CCSER1: variants seen among roughly 807,000 people sequenced by gnomAD.
CCSER1 encodes the protein serine-rich coiled-coil domain-containing protein 1.
CCSER1 carries 41 observed loss-of-function variants against 82.0 expected under a neutral mutation model. The ratio of observed to expected loss-of-function variants is 0.50; its 90% confidence interval spans 0.39 to 0.65. The LOEUF is 0.65. Ranked by LOEUF, CCSER1 falls within the 30% of genes least tolerant of loss-of-function variation. The pLI is 0.00. For synonymous variants in CCSER1, 414 were observed against 383.9 expected (o/e 1.08, Z -0.92); for missense variants, 1,119 against 1,064.2 (o/e 1.05, Z -0.72).
chr4:91,534,473 C>A lies in CCSER1; in HGVS notation c.2218-64099C>A, dbSNP rs1393201548. Among the ~76,000 whole-genome samples the A allele has an allele frequency of 3.3e-5, 5 of 151,914 alleles. No individual in the cohort carries two copies. In the East Asian group the frequency reaches 9.6e-4, roughly 29 times the overall value. ...ATGTTTACTTGCTTTCTATCATGGG[C>A]AATTCATGAAAAATCTTTGTGCTAT... On this transcript the variant is annotated intron_variant, in intron 10 of 10. Transcript: ENST00000509176.
At chr4:90,265,033 A>G (rs1213132753) in intron 1 of CCSER1, among the ~76,000 whole-genome samples, 1 of 152,008 alleles carries the variant, frequency 6.6e-6, no homozygotes, top group Non-Finnish European at 1.5e-5. Flanking sequence ...AATGACATCT[A>G]GTAAAGAATA....
Position 90,418,040 on chromosome 4 carries a change from G to A in CCSER1, c.1603+17911G>A, listed in dbSNP as rs547250764. Among the ~76,000 whole-genome samples, 4 of 152,182 alleles carry A rather than the reference G, an allele frequency of 2.6e-5. No homozygotes were observed. The South Asian group carries it at 8.3e-4, about 32-fold the overall frequency. On this transcript the variant is annotated intron_variant, in intron 4 of 10. Coordinates refer to ENST00000509176, the MANE Select transcript of CCSER1 (RefSeq NM_001145065.2). ...GTATAACATAATGGTTAAAAATATG[G>A]ATGCTGGCTCTGGAATTAGACAAAT...
intron 5 of CCSER1, among the ~76,000 whole-genome samples, chr4:90,518,763 TCTTA>T (rs1400501452): frequency 7.2e-5 from 11 of 152,074 alleles, no homozygotes; most frequent in Middle Eastern, 3.4e-3. Context: ...ATTATTAATA[TCTTA>T]CTTATATTTT....
chr4:90,397,422 T>TTC (rs1752129361), intron 3 of CCSER1, among the ~76,000 whole-genome samples: 2 of 152,206 alleles, frequency 1.3e-5, no homozygotes, highest in Non-Finnish European at 2.9e-5. Flanking sequence ...TGTGGGTGAA[T>TTC]GTATTAACTG....
chr4:90,402,070 C>A (rs1267864890), intron 4 of CCSER1, among the ~76,000 whole-genome samples: 1 of 152,110 alleles, frequency 6.6e-6, no homozygotes, highest in Non-Finnish European at 1.5e-5. Flanking sequence ...ATAGTTCAAA[C>A]TTTGATTTTA....
chr4:90,308,252 G>T lies in CCSER1; in HGVS notation c.-33G>T. The T allele has an allele frequency of 1.3e-6, 2 of 1,492,050 alleles. No homozygotes were observed. Among genetic ancestry groups the T allele is most frequent in the Non-Finnish European group, 8.9e-7 (1 of 1,121,652 alleles). The allele number at this position is 1,492,050 out of a possible 1,614,324, so 92.4% of individuals were successfully genotyped here. Reference sequence around the variant, plus strand: ...GTTTTAACCTTTCTCAGGCTGCAAAGTTGGCTTTCACAGTGCAAGCCTTTG... The same window carrying T: ...GTTTTAACCTTTCTCAGGCTGCAAATTTGGCTTTCACAGTGCAAGCCTTTG... On this transcript the variant is annotated 5_prime_UTR_variant, in exon 2 of 11. Transcript: ENST00000509176.
At chr4:91,437,116 A>C (rs1754704364) in intron 10 of CCSER1, among the ~76,000 whole-genome samples, 1 of 152,234 alleles carries the variant, frequency 6.6e-6, no homozygotes, top group African/African-American at 2.4e-5. Flanking sequence ...TTGCATTTAA[A>C]TTAAGATTCA....
intron 10 of CCSER1, among the ~76,000 whole-genome samples, chr4:91,213,440 A>AT (rs1333777161): frequency 6.6e-6 from 1 of 152,138 alleles, no homozygotes; most frequent in African/African-American, 2.4e-5. Context: ...AGTAAAAAAA[A>AT]GTTAATGGTA....
intron 1 of CCSER1, among the ~76,000 whole-genome samples, chr4:90,148,700 C>T (rs373889983): frequency 2.0e-5 from 3 of 152,132 alleles, no homozygotes; most frequent in African/African-American, 7.2e-5. Flanking sequence ...TTCAGTTTTG[C>T]AATGGACAAA....
intron 10 of CCSER1, among the ~76,000 whole-genome samples, chr4:91,479,741 T>A (rs1284668898): frequency 6.7e-6 from 1 of 149,562 alleles, no homozygotes; most frequent in Non-Finnish European, 1.5e-5. Flanking sequence ...TTTATTATTA[T>A]TATTAATTTT....
At chr4:90,209,120 G>T (rs953749213) in intron 1 of CCSER1, among the ~76,000 whole-genome samples, 1 of 152,134 alleles carries the variant, frequency 6.6e-6, no homozygotes, top group Non-Finnish European at 1.5e-5. Context: ...ATAAGAAATT[G>T]GGCCAGTGAC....
At chr4:90,417,466 T>C (rs1188907499) in intron 4 of CCSER1, among the ~76,000 whole-genome samples, 2 of 146,762 alleles carry the variant, frequency 1.4e-5, no homozygotes, top group Non-Finnish European at 3.0e-5. Context: ...GAAGAGTTTT[T>C]AAATTAAATT....
chr4:90,891,641 T>C (rs1281908381), intron 8 of CCSER1, among the ~76,000 whole-genome samples: 2 of 151,992 alleles, frequency 1.3e-5, no homozygotes, highest in Non-Finnish European at 2.9e-5. Context: ...AAATACTTTT[T>C]TCTTCTGGCA....
intron 10 of CCSER1, among the ~76,000 whole-genome samples, chr4:91,466,147 T>A (rs2149438017): frequency 6.6e-6 from 1 of 152,306 alleles, no homozygotes; most frequent in East Asian, 1.9e-4. Context: ...TCAAAAAGCT[T>A]ATCCATTATG....
intron 10 of CCSER1, among the ~76,000 whole-genome samples, chr4:91,464,964 A>G (rs1034527291): frequency 8.5e-5 from 13 of 152,194 alleles, no homozygotes; most frequent in African/African-American, 2.9e-4. Context: ...AAAGTGAACA[A>G]GGATATCCAG....
intron 5 of CCSER1, among the ~76,000 whole-genome samples, chr4:90,562,208 A>AG (rs1778851524): frequency 6.6e-6 from 1 of 151,788 alleles, no homozygotes; most frequent in African/African-American, 2.4e-5. Context: ...AAAAAAAAAA[A>AG]AAGATAAATT....
intron 6 of CCSER1, chr4:90,649,567 A>G (rs1200321802): frequency 6.6e-6 from 1 of 152,274 alleles, no homozygotes; most frequent in Non-Finnish European, 1.5e-5. Context: ...GAAGAGAGCC[A>G]TCACCAAGAA....
Position 90,785,350 on chromosome 4 carries a change from G to A in CCSER1, c.2011-30412G>A, listed in dbSNP as rs962511516. Among the ~76,000 whole-genome samples, 38 of 152,174 alleles carry A rather than the reference G, an allele frequency of 2.5e-4. 1 individual carries two copies. The highest frequency in any genetic ancestry group is 4.4e-5 in the Non-Finnish European group (3 of 68,002). ...AGCCCAAACCTGTATGTACATTAAGGGTCAACTGTATGTAGTTTTCTTGTT... is the reference window on the plus strand; with the variant it reads ...AGCCCAAACCTGTATGTACATTAAGAGTCAACTGTATGTAGTTTTCTTGTT... On this transcript the variant is annotated intron_variant, in intron 7 of 10. Coordinates refer to ENST00000509176, the MANE Select transcript of CCSER1 (RefSeq NM_001145065.2).
intron 5 of CCSER1, among the ~76,000 whole-genome samples, chr4:90,582,296 T>G (rs1781497173): frequency 6.6e-6 from 1 of 152,226 alleles, no homozygotes. Flanking sequence ...TTCCTGGGAA[T>G]GTGCAGGGTT....
Sources: gnomAD v4.1 joint callset for allele counts (sites outside exome capture counted in the v4.1 genomes callset) on GRCh38, gnomAD v4.1.1 for gene constraint, MANE v1.5 for transcripts, NCBI Gene and HGNC (gene_info 2026-07-23, HGNC 2026-07-21) for gene names.